The following CRADD variants were observed in gnomAD, a reference collection of about 807,000 sequenced individuals.
CRADD encodes death domain-containing protein CRADD.
A neutral mutation model predicts 15.5 loss-of-function variants in CRADD; 9 were observed. The observed-to-expected ratio is 0.58, with a 90% CI of 0.35 to 1.01. The LOEUF (loss-of-function observed/expected upper bound fraction) is 1.01, where lower values mean the gene tolerates loss of function less well. Ranked by LOEUF, CRADD falls within the 50% of genes least tolerant of loss-of-function variation. The pLI is 0.02. For missense variants in CRADD, 227 were observed against 250.3 expected (o/e 0.91, Z 0.63); for synonymous variants, 118 against 107.6 (o/e 1.10, Z -0.60).
Position 93,686,304 on chromosome 12 carries a change from CA to C in CRADD, c.298+7253del, listed in dbSNP as rs59096792. On this transcript the variant is annotated intron_variant, in intron 2 of 2. Coordinates refer to ENST00000332896, the MANE Select transcript of CRADD (RefSeq NM_003805.5). Reference sequence around the variant, plus strand: ...CAACAGAGTGAGACTCCATCCCCCCCAAAAAAAAAAAAAAAAAAAAAGAAAA... The same window carrying C: ...CAACAGAGTGAGACTCCATCCCCCCCAAAAAAAAAAAAAAAAAAAAGAAAA... Among the ~76,000 whole-genome samples the C allele has an allele frequency of 2.4e-3, 158 of 65,994 alleles. 1 individual carries two copies. The highest frequency in any genetic ancestry group is 0.019 in the East Asian group (38 of 2,038). The allele number at this position is 65,994 out of a possible 152,430, so 43.3% of individuals were successfully genotyped here.
At chr12:93,878,890 C>T (rs778278334) in intron 2 of CRADD, among the ~76,000 whole-genome samples, 3 of 152,128 alleles carry the variant, frequency 2.0e-5, no homozygotes, top group South Asian at 2.1e-4. Context: ...ATTTTTGGTT[C>T]TGATGAAAGT....
chr12:93,853,611 A>T (rs1319843150), downstream of CRADD, among the ~76,000 whole-genome samples: 1 of 152,224 alleles, frequency 6.6e-6, no homozygotes. Context: ...GCACTCTTAT[A>T]TCCTCAAAAA....
chr12:93,823,460 A>G (rs1026054030), intron 2 of CRADD, among the ~76,000 whole-genome samples: 3 of 152,212 alleles, frequency 2.0e-5, no homozygotes, highest in African/African-American at 4.8e-5. Context: ...CTACCCTTAG[A>G]CTAAAACAAT....
rs561762618 is a variant in CRADD, at chr12:93,721,465, A to G, written c.298+42393A>G. On this transcript the variant is annotated intron_variant, in intron 2 of 2. Coordinates refer to ENST00000332896, the MANE Select transcript of CRADD (RefSeq NM_003805.5). ...CACATACACAAACACACACACATATATATATACACACACAGCCCTCCATAT... is the reference window on the plus strand; with the variant it reads ...CACATACACAAACACACACACATATGTATATACACACACAGCCCTCCATAT... Among the ~76,000 whole-genome samples the G allele has an allele frequency of 2.0e-3, 309 of 152,230 alleles. 3 individuals are homozygous for G. Among genetic ancestry groups the G allele is most frequent in the African/African-American group, 7.0e-3 (292 of 41,534 alleles).
intron 2 of CRADD, chr12:93,708,973 G>A (rs997719087): frequency 1.2e-4 from 18 of 152,330 alleles, no homozygotes; most frequent in African/African-American, 4.1e-4. Context: ...ATGGTAGGAG[G>A]GTCAAGATAG....
chr12:93,867,404 T>TG (rs1491540248), intron 2 of CRADD, among the ~76,000 whole-genome samples: 1 of 127,290 alleles, frequency 7.9e-6, no homozygotes, highest in Non-Finnish European at 1.7e-5. Context: ...TATATATATA[T>TG]TTTTTAAACT....
intron 2 of CRADD, among the ~76,000 whole-genome samples, chr12:93,719,507 T>C (rs1420519121): frequency 6.6e-6 from 1 of 152,216 alleles, no homozygotes; most frequent in African/African-American, 2.4e-5. Context: ...CTGAAAGATA[T>C]TGCAGAGAAT....
At chr12:93,804,401 G>C (rs1439194637) in intron 2 of CRADD, among the ~76,000 whole-genome samples, 1 of 152,134 alleles carries the variant, frequency 6.6e-6, no homozygotes, top group African/African-American at 2.4e-5. Flanking sequence ...GTATAACCAG[G>C]TATATACCAG....
chr12:93,768,794 G>A (rs968644846), intron 2 of CRADD, among the ~76,000 whole-genome samples: 2 of 152,108 alleles, frequency 1.3e-5, no homozygotes, highest in South Asian at 2.1e-4. Context: ...CTTAGGTCAA[G>A]CAACAATATT....
chr12:93,845,266 G>C (rs1489152465), intron 2 of CRADD, among the ~76,000 whole-genome samples: 1 of 152,216 alleles, frequency 6.6e-6, no homozygotes, highest in Non-Finnish European at 1.5e-5. Flanking sequence ...AACGACACCT[G>C]GTTCCCTATA....
chr12:93,832,545 C>T (rs1286919219), intron 2 of CRADD, among the ~76,000 whole-genome samples: 1 of 141,746 alleles, frequency 7.1e-6, no homozygotes, highest in Non-Finnish European at 1.6e-5. Flanking sequence ...TAATCTTTCT[C>T]TATACTCTTT....
intron 2 of CRADD, among the ~76,000 whole-genome samples, chr12:93,770,449 T>A (rs916910581): frequency 9.9e-5 from 15 of 152,194 alleles, no homozygotes; most frequent in African/African-American, 3.4e-4. Flanking sequence ...CACATTTAGA[T>A]CTACAATCCA....
intron 2 of CRADD, among the ~76,000 whole-genome samples, chr12:93,842,149 T>G (rs1432008851): frequency 6.6e-6 from 1 of 152,192 alleles, no homozygotes. Flanking sequence ...CTTCAGCTTC[T>G]CAACTGTGCT....
chr12:93,883,818 G>C (rs925160266), intron 2 of CRADD, among the ~76,000 whole-genome samples: 7 of 152,154 alleles, frequency 4.6e-5, no homozygotes, highest in African/African-American at 1.4e-4. Context: ...GGGTGACAGG[G>C]TGAGACCTTG....
chr12:93,738,127 G>T, intron 2 of CRADD: 1 of 587,532 alleles, frequency 1.7e-6, no homozygotes, highest in Non-Finnish European at 3.0e-6. Context: ...TTTGCAAAGG[G>T]CAGTCATGTT....
exon 3 of CRADD, chr12:93,894,411 C>G (rs1958598140): frequency 2.6e-6 from 1 of 390,540 alleles, no homozygotes; most frequent in Non-Finnish European, 4.8e-6. Context: ...AAGCCCTGGT[C>G]TATACAGAGC....
intron 2 of CRADD, among the ~76,000 whole-genome samples, chr12:93,747,735 G>A (rs888763649): frequency 6.6e-6 from 1 of 152,156 alleles, no homozygotes; most frequent in African/African-American, 2.4e-5. Context: ...CAAGGTGCTA[G>A]GATTACAGGC....
chr12:93,736,497 GT>G (rs1956572396), intron 2 of CRADD, among the ~76,000 whole-genome samples: 1 of 152,034 alleles, frequency 6.6e-6, no homozygotes, highest in East Asian at 1.9e-4. Flanking sequence ...GATTTATTCT[GT>G]TCTCCACAAT....
intron 2 of CRADD, among the ~76,000 whole-genome samples, chr12:93,695,588 A>C (rs1289787543): frequency 6.6e-6 from 1 of 152,210 alleles, no homozygotes; most frequent in South Asian, 2.1e-4. Context: ...GTAAAAACTC[A>C]ATAGCAAGAA....
Sources: allele counts gnomAD v4.1 joint callset (sites outside exome capture counted in the v4.1 genomes callset), GRCh38; gene constraint gnomAD v4.1.1; transcripts MANE v1.5; gene names NCBI Gene and HGNC (gene_info 2026-07-23, HGNC 2026-07-21).